Variants in GPC6 observed in about 807,000 individuals in gnomAD.
GPC6 encodes the protein glypican 6, also known as glypican-6.
GPC6 carries 14 observed loss-of-function variants against 55.2 expected under a neutral mutation model. The observed-to-expected ratio is 0.25, with a 90% CI of 0.17 to 0.40. The LOEUF (loss-of-function observed/expected upper bound fraction) is 0.40. Among genes scored for constraint, GPC6 ranks in the 10% least tolerant of loss-of-function variants. GPC6 has a pLI of 1.00. For missense variants in GPC6, 641 were observed against 708.5 expected (o/e 0.90, Z 1.08); for synonymous variants, 278 against 259.6 (o/e 1.07, Z -0.68).
intron 2 of GPC6, among the ~76,000 whole-genome samples, chr13:93,658,719 A>G (rs1455879376): frequency 1.3e-5 from 2 of 151,754 alleles, no homozygotes; most frequent in African/African-American, 4.8e-5. Context: ...AGTTATTACT[A>G]ATATTAAATA....
intron 1 of GPC6, among the ~76,000 whole-genome samples, chr13:93,479,596 C>T (rs1462137137): frequency 1.9e-5 from 2 of 107,908 alleles, no homozygotes; most frequent in East Asian, 6.5e-4. Flanking sequence ...CCAGCCCAGC[C>T]AACGTGGTGA....
At chr13:94,311,053 C>T (rs1413027573) in intron 6 of GPC6, among the ~76,000 whole-genome samples, 1 of 151,964 alleles carries the variant, frequency 6.6e-6, no homozygotes, top group East Asian at 1.9e-4. Flanking sequence ...TCTTTCAGAG[C>T]ATTCAGAGCA....
chr13:93,473,211 C>G (rs1041338769), intron 1 of GPC6, among the ~76,000 whole-genome samples: 4 of 152,184 alleles, frequency 2.6e-5, no homozygotes, highest in Non-Finnish European at 5.9e-5. Context: ...CTGCCTCCTG[C>G]TGCCGTCCAT....
chr13:93,709,867 C>G (rs1296297579), intron 2 of GPC6, among the ~76,000 whole-genome samples: 1 of 151,626 alleles, frequency 6.6e-6, no homozygotes, highest in Non-Finnish European at 1.5e-5. Flanking sequence ...ACCAGATTCC[C>G]GTCAGGAAGT....
At position 94,027,873 on chromosome 13, in the gene GPC6, A is replaced by C. The variant is rs746776468; in HGVS notation, c.856A>C (p.Thr286Pro). ...CTTGGCAAATCAGGCTGACCTCGAC[A>C]CAGAGTGGAATCTGTTTATAGGTAA... ...GCLANQADLD[T>P]EWNLFIDAML... Residue 286 changes from threonine (T) to proline (P), a missense_variant, in exon 4 of 9, where the codon ACA becomes CCA. Coordinates refer to ENST00000377047, the MANE Select transcript of GPC6 (RefSeq NM_005708.5). 3 of 1,614,088 alleles carry C rather than the reference A, an allele frequency of 1.9e-6. No homozygotes were observed. Among genetic ancestry groups the C allele is most frequent in the East Asian group, 4.5e-5 (2 of 44,870 alleles).
chr13:94,165,409 C>T (rs1888332005), intron 4 of GPC6, among the ~76,000 whole-genome samples: 1 of 151,822 alleles, frequency 6.6e-6, no homozygotes, highest in Non-Finnish European at 1.5e-5. Flanking sequence ...AACCAAACAT[C>T]GTATGTTCTC....
At chr13:93,656,344 C>T (rs1056624140) in intron 2 of GPC6, among the ~76,000 whole-genome samples, 1 of 151,820 alleles carries the variant, frequency 6.6e-6, no homozygotes, top group Non-Finnish European at 1.5e-5. Context: ...AAATGTTACC[C>T]CTAAAGTAGG....
At chr13:94,315,985 A>G (rs1005983810) in intron 6 of GPC6, among the ~76,000 whole-genome samples, 2 of 152,148 alleles carry the variant, frequency 1.3e-5, no homozygotes, top group African/African-American at 4.8e-5. Context: ...GTGTTAGTAT[A>G]TCTTATGTGT....
chr13:94,382,527 C>T lies in GPC6; in HGVS notation c.1266C>T (p.Cys422=). The T allele has an allele frequency of 6.2e-7, 1 of 1,614,152 alleles. No individual in the cohort carries two copies. The highest frequency in any genetic ancestry group is 8.5e-7 in the Non-Finnish European group (1 of 1,180,042). The change falls in exon 7 of 9, where the codon TGC becomes TGT. Residue 422 remains cysteine (C), a synonymous_variant. Coordinates refer to ENST00000377047, the MANE Select transcript of GPC6 (RefSeq NM_005708.5). The part of the protein sequence containing the change: ...VTAGTSNEEE[C]WNGHSKARYL... ...CGGGCACGTCCAACGAGGAGGAATG[C>T]TGGAACGGGCACAGCAAAGCCAGGT...
At chr13:93,528,543 C>T (rs560233825) in intron 1 of GPC6, among the ~76,000 whole-genome samples, 2 of 152,162 alleles carry the variant, frequency 1.3e-5, no homozygotes, top group East Asian at 3.9e-4. Context: ...CAAACTTGTC[C>T]ATAAAGATGA....
chr13:93,750,460 C>T (rs1884538997), intron 2 of GPC6, among the ~76,000 whole-genome samples: 1 of 152,138 alleles, frequency 6.6e-6, no homozygotes. Context: ...AGACTAACTT[C>T]TTCAGGGCTA....
At chr13:93,960,838 A>T in intron 3 of GPC6, among the ~76,000 whole-genome samples, 2 of 138,578 alleles carry the variant, frequency 1.4e-5, no homozygotes, top group Non-Finnish European at 1.5e-5. Context: ...TTTGAGACAG[A>T]GTCTTGCTCT....
chr13:93,854,564 C>T (rs1298013320), intron 3 of GPC6, among the ~76,000 whole-genome samples: 1 of 151,626 alleles, frequency 6.6e-6, no homozygotes, highest in East Asian at 1.9e-4. Context: ...CTTTGAAATA[C>T]ATGTTAAAAT....
In GPC6 at chr13:94,052,336, A is replaced by C. The variant is rs556723638; in HGVS notation, c.877+24442A>C. Among the ~76,000 whole-genome samples, 29 of 152,302 alleles carry C rather than the reference A, an allele frequency of 1.9e-4. No individual in the cohort carries two copies. In the South Asian group the frequency reaches 3.5e-3, roughly 18 times the overall value. Reference sequence around the variant, plus strand: ...ATGGTGCAATGAAGGTACTTTGTCTAAAAAATGGTCTAACTAAACCATAGC... The same window carrying C: ...ATGGTGCAATGAAGGTACTTTGTCTCAAAAATGGTCTAACTAAACCATAGC... On this transcript the variant is annotated intron_variant, in intron 4 of 8. Transcript: ENST00000377047.
intron 2 of GPC6, among the ~76,000 whole-genome samples, chr13:93,595,418 T>G (rs1446545589): frequency 6.6e-6 from 1 of 152,202 alleles, no homozygotes; most frequent in Non-Finnish European, 1.5e-5. Context: ...AAAGTGTAAT[T>G]TCTTTTCTAA....
rs1876210093 is a variant in GPC6, at chr13:93,404,429, T to A, written c.161-140834T>A. Reference sequence around the variant, plus strand: ...TCATAAAAGTGTTAAGTCTTTACATTTTTCTTTGACCTCACATTGCCACAG... The same window carrying A: ...TCATAAAAGTGTTAAGTCTTTACATATTTCTTTGACCTCACATTGCCACAG... On this transcript the variant is annotated intron_variant, in intron 1 of 8. Coordinates refer to ENST00000377047, the MANE Select transcript of GPC6 (RefSeq NM_005708.5). Among the ~76,000 whole-genome samples, 3 of 152,248 alleles carry A rather than the reference T, an allele frequency of 2.0e-5. 1 individual carries two copies. Among genetic ancestry groups the A allele is most frequent in the Admixed American group, 2.0e-4 (3 of 15,282 alleles).
chr13:93,361,405 G>A (rs1246289929), intron 1 of GPC6, among the ~76,000 whole-genome samples: 9 of 151,978 alleles, frequency 5.9e-5, no homozygotes, highest in Non-Finnish European at 1.2e-4. Flanking sequence ...GATGTATATT[G>A]CTCCATCCTG....
intron 1 of GPC6, among the ~76,000 whole-genome samples, chr13:93,400,811 C>A (rs1236833142): frequency 6.6e-6 from 1 of 152,022 alleles, no homozygotes; most frequent in Non-Finnish European, 1.5e-5. Flanking sequence ...ATAAAAACTT[C>A]AGTGAAATAC....
At chr13:93,321,519 CT>C (rs559790217) in intron 1 of GPC6, among the ~76,000 whole-genome samples, 4 of 152,124 alleles carry the variant, frequency 2.6e-5, no homozygotes, top group Non-Finnish European at 4.4e-5. Flanking sequence ...GTCAAATATA[CT>C]ATTTTTAGAA....
Sources: gnomAD v4.1 joint callset for allele counts (sites outside exome capture counted in the v4.1 genomes callset) on GRCh38, gnomAD v4.1.1 for gene constraint, MANE v1.5 for transcripts, NCBI Gene and HGNC (gene_info 2026-07-23, HGNC 2026-07-21) for gene names.